The following AMBRA1 variants were observed in gnomAD, a reference collection of about 807,000 sequenced individuals.
AMBRA1 encodes the protein autophagy and beclin 1 regulator 1.
A neutral mutation model predicts 125.4 loss-of-function variants in AMBRA1; 47 were observed. The observed-to-expected ratio is 0.37, with a 90% CI of 0.30 to 0.48. The LOEUF is 0.48. AMBRA1 is among the 20% of genes least tolerant of loss of function. The pLI is 0.99. For missense variants in AMBRA1, 1,331 were observed against 1,693.4 expected (o/e 0.79, Z 3.76); for synonymous variants, 626 against 655.5 (o/e 0.95, Z 0.69).
intron 7 of AMBRA1, among the ~76,000 whole-genome samples, chr11:46,519,782 G>C (rs1401357216): frequency 6.6e-6 from 1 of 152,102 alleles, no homozygotes; most frequent in East Asian, 1.9e-4. Context: ...CATTCCTTTT[G>C]GATATACTAT....
chr11:46,542,568 T>C lies in AMBRA1; in HGVS notation c.1449A>G (p.Gly483=), dbSNP rs1448785431. The change falls in exon 7 of 18, where the codon GGA becomes GGG. Residue 483 remains glycine (G), a synonymous_variant. Transcript: ENST00000683756. This position sits in a 1 kb window ranked among gnomAD's most constrained non-coding sequence, Gnocchi z 5.9. The part of the protein sequence containing the change: ...PASGLATESD[G]GNGSSQNNSG... The stretch of plus-strand genomic sequence containing the variant: ...AGTTGTTTTGGCTGGAGCCATTCCC[T>C]CCATCTGACTCAGTTGCCAACCCTG... The C allele has an allele frequency of 6.2e-7, 1 of 1,613,432 alleles. No individual in the cohort carries two copies. Among genetic ancestry groups the C allele is most frequent in the South Asian group, 1.1e-5 (1 of 91,082 alleles).
At chr11:46,524,891 A>T (rs905380197) in intron 7 of AMBRA1, among the ~76,000 whole-genome samples, 1 of 152,246 alleles carries the variant, frequency 6.6e-6, no homozygotes, top group Non-Finnish European at 1.5e-5. Context: ...CATCCACGTA[A>T]ACCAACAAGA....
intron 17 of AMBRA1, among the ~76,000 whole-genome samples, chr11:46,402,735 C>T (rs1945825048): frequency 6.6e-6 from 1 of 152,186 alleles, no homozygotes; most frequent in African/African-American, 2.4e-5. Flanking sequence ...AATGTAATTC[C>T]CTCCACAGTG....
intron 11 of AMBRA1, among the ~76,000 whole-genome samples, chr11:46,451,102 T>C (rs957889290): frequency 1.3e-5 from 2 of 152,252 alleles, no homozygotes; most frequent in Non-Finnish European, 2.9e-5. Context: ...CTAGTCATGG[T>C]AGTTCATATC....
intron 11 of AMBRA1, among the ~76,000 whole-genome samples, chr11:46,447,941 T>A (rs1948388710): frequency 6.6e-6 from 1 of 152,094 alleles, no homozygotes; most frequent in Non-Finnish European, 1.5e-5. Context: ...ATACTAAGTG[T>A]CTAATAAATG....
chr11:46,548,819 C>T (rs1439242639), intron 1 of AMBRA1, among the ~76,000 whole-genome samples: 5 of 152,078 alleles, frequency 3.3e-5, no homozygotes, highest in Non-Finnish European at 7.4e-5. Flanking sequence ...TGGTGAAACC[C>T]CGTCTCTACT....
chr11:46,403,645 A>T (rs557084276), intron 17 of AMBRA1, among the ~76,000 whole-genome samples: 6 of 152,170 alleles, frequency 3.9e-5, no homozygotes, highest in Non-Finnish European at 8.8e-5. Flanking sequence ...CTTGCTGTAG[A>T]GTCAAATTCT....
chr11:46,541,495 T>C (rs1012344903), intron 7 of AMBRA1, among the ~76,000 whole-genome samples: 2 of 152,180 alleles, frequency 1.3e-5, no homozygotes, highest in African/African-American at 4.8e-5. Context: ...GTGAACTCAG[T>C]TGTCCAAAGC....
At chr11:46,584,556 CAAAT>C (rs1476133782) in intron 1 of AMBRA1, among the ~76,000 whole-genome samples, 5 of 151,134 alleles carry the variant, frequency 3.3e-5, no homozygotes, top group East Asian at 1.9e-4. Flanking sequence ...ACAAAAAAAA[CAAAT>C]GAATGACTGA....
At chr11:46,413,215 G>A (rs2136632891) in intron 15 of AMBRA1, among the ~76,000 whole-genome samples, 1 of 152,336 alleles carries the variant, frequency 6.6e-6, no homozygotes, top group Middle Eastern at 3.4e-3. Flanking sequence ...GCTCAGGGCT[G>A]TGACCTTGGC....
Position 46,412,380 on chromosome 11 carries a change from G to C in AMBRA1, c.3117-2012C>G, listed in dbSNP as rs1031460523. 2.0e-5 allele frequency among the ~76,000 whole-genome samples: 3 copies of C among 152,160 alleles called. No individual in the cohort carries two copies. The East Asian group carries it at 5.8e-4, about 29-fold the overall frequency. On this transcript the variant is annotated intron_variant, in intron 15 of 17. Coordinates refer to ENST00000683756, the MANE Select transcript of AMBRA1 (RefSeq NM_001387011.1). ...CTCACTACAGCCCTGACTTCCCTGG[G>C]CTCAGGTGATTCTCCTACCTCAGCC... is the stretch of plus-strand genomic sequence containing the variant.
chr11:46,428,847 C>T, intron 14 of AMBRA1: 2 of 1,611,720 alleles, frequency 1.2e-6, no homozygotes, highest in Middle Eastern at 4.2e-4. Context: ...CGAGGCCTGC[C>T]AGTCTCTGGA....
chr11:46,586,270 G>A (rs941109197), intron 1 of AMBRA1, among the ~76,000 whole-genome samples: 2 of 152,118 alleles, frequency 1.3e-5, no homozygotes, highest in African/African-American at 2.4e-5. Context: ...TTAGCCAGGT[G>A]TGGTGGCACA....
intron 7 of AMBRA1, among the ~76,000 whole-genome samples, chr11:46,535,814 T>C (rs1952448373): frequency 6.6e-6 from 1 of 152,182 alleles, no homozygotes; most frequent in African/African-American, 2.4e-5. Flanking sequence ...CTGCATATGA[T>C]GCCAGTGCTC....
intron 11 of AMBRA1, among the ~76,000 whole-genome samples, chr11:46,484,312 T>C (rs999408191): frequency 4.6e-5 from 7 of 152,212 alleles, no homozygotes; most frequent in African/African-American, 1.7e-4. Context: ...TTGCAAAACA[T>C]GTCAAAGCAC....
chr11:46,529,038 T>C (rs1371491896), intron 7 of AMBRA1, among the ~76,000 whole-genome samples: 1 of 152,190 alleles, frequency 6.6e-6, no homozygotes, highest in Non-Finnish European at 1.5e-5. Flanking sequence ...CAGCCTCTGA[T>C]TCCTTTATTA....
At chr11:46,544,581 T>A (rs1361634343) in intron 5 of AMBRA1, among the ~76,000 whole-genome samples, 1 of 152,184 alleles carries the variant, frequency 6.6e-6, no homozygotes, top group Admixed American at 6.5e-5. Context: ...TAAATAAATG[T>A]CAATTATGTG....
At chr11:46,475,405 C>A (rs1412757320) in intron 11 of AMBRA1, among the ~76,000 whole-genome samples, 2 of 152,206 alleles carry the variant, frequency 1.3e-5, no homozygotes, top group Non-Finnish European at 2.9e-5. Context: ...AACAGACAAG[C>A]ATACATTTCT....
chr11:46,430,663 A>G (rs1288437549), intron 14 of AMBRA1, among the ~76,000 whole-genome samples: 1 of 152,232 alleles, frequency 6.6e-6, no homozygotes, highest in African/African-American at 2.4e-5. Flanking sequence ...GATGTCACTT[A>G]GTGCCATCTT....
Sources: allele counts gnomAD v4.1 joint callset (sites outside exome capture counted in the v4.1 genomes callset), GRCh38; gene constraint gnomAD v4.1.1; non-coding constraint Gnocchi (gnomAD v3.1); transcripts MANE v1.5; gene names NCBI Gene and HGNC (gene_info 2026-07-23, HGNC 2026-07-21).